The following EPB41L1 variants were observed in gnomAD, a reference collection of about 807,000 sequenced individuals.
EPB41L1 encodes the protein band 4.1-like protein 1.
A neutral mutation model predicts 97.8 loss-of-function variants in EPB41L1; 29 were observed. The observed-to-expected ratio is 0.30, with a 90% CI of 0.22 to 0.40. The LOEUF (loss-of-function observed/expected upper bound fraction) is 0.40. Ranked by LOEUF, EPB41L1 falls within the 10% of genes least tolerant of loss-of-function variation. EPB41L1 has a pLI of 1.00. For missense variants in EPB41L1, 812 were observed against 1,162.3 expected (o/e 0.70, Z 4.38); for synonymous variants, 383 against 459.2 (o/e 0.83, Z 2.12).
At chr20:36,184,594 G>T (rs188360632) in intron 6 of EPB41L1, among the ~76,000 whole-genome samples, 80 of 152,330 alleles carry the variant, frequency 5.3e-4, no homozygotes, top group Admixed American at 4.9e-3. Context: ...AGAGTCACAT[G>T]TGCTGACATG....
chr20:36,137,367 C>T (rs931588901), intron 2 of EPB41L1, among the ~76,000 whole-genome samples: 4 of 150,016 alleles, frequency 2.7e-5, no homozygotes, highest in Non-Finnish European at 5.9e-5. Flanking sequence ...TGAGCCACTG[C>T]GCTGGGGCAG....
In EPB41L1 at chr20:36,093,726, T is replaced by C. The variant is rs1039069339; in HGVS notation, c.-65+2114T>C. ...GTGTATGTGTATGCGTGCGCGCGCG[T>C]GTGTGGATGTGGGTGTGGGTGCGGG... On this transcript the variant is annotated intron_variant, in intron 1 of 19. Transcript: ENST00000202028. The surrounding 1 kb of genome is among the most constrained non-coding windows in gnomAD (Gnocchi z 5.4). 1.3e-5 allele frequency among the ~76,000 whole-genome samples: 2 copies of C among 151,776 alleles called. No individual in the cohort carries two copies. The highest frequency in any genetic ancestry group is 2.4e-5 in the African/African-American group (1 of 41,290).
Position 36,155,117 on chromosome 20 carries a change from C to CG in EPB41L1, c.-15+227dup, listed in dbSNP as rs368662808. The CG allele has an allele frequency of 8.9e-4, 433 of 488,674 alleles. 10 individuals are homozygous for CG. The East Asian group carries it at 0.025, about 28-fold the overall frequency. The allele number at this position is 488,674 out of a possible 1,614,324, so 30.3% of individuals were successfully genotyped here. On this transcript the variant is annotated intron_variant, in intron 1 of 21. Coordinates refer to ENST00000338074, the MANE Select transcript of EPB41L1 (RefSeq NM_012156.2). ...AGAGGATCCGGAGGCTGGGGGTTGG[C>CG]GGGGGGTTGGTCCTGCTGTAGGATG...
intron 2 of EPB41L1, among the ~76,000 whole-genome samples, chr20:36,134,326 G>C (rs1428290985): frequency 6.6e-6 from 1 of 152,216 alleles, no homozygotes; most frequent in African/African-American, 2.4e-5. Flanking sequence ...TTCTAGCTTT[G>C]CCACTGGCTC....
Position 36,195,387 on chromosome 20 carries a change from C to A in EPB41L1, c.1485+23C>A, listed in dbSNP as rs1403533703. On this transcript the variant is annotated intron_variant, in intron 13 of 21. Coordinates refer to ENST00000338074, the MANE Select transcript of EPB41L1 (RefSeq NM_012156.2). The surrounding 1 kb of genome is among the most constrained non-coding windows in gnomAD (Gnocchi z 4.6). ...GAGGTACTGCATGGGACCTGTCCCT[C>A]CCTACCCAGCCGTTCCCATCCCTAG... The A allele has an allele frequency of 8.7e-6, 14 of 1,613,844 alleles. No individual in the cohort carries two copies. The East Asian group carries it at 3.1e-4, about 36-fold the overall frequency.
chr20:36,214,475 A>G (rs2063324076), intron 17 of EPB41L1, 35 bp downstream of exon 17: 1 of 1,554,308 alleles, frequency 6.4e-7, no homozygotes, highest in Non-Finnish European at 8.8e-7. Flanking sequence ...CTCTCTGACC[A>G]GCCCCCTGCC....
At chr20:36,147,933 G>A (rs908634728) in intron 2 of EPB41L1, among the ~76,000 whole-genome samples, 2 of 152,176 alleles carry the variant, frequency 1.3e-5, no homozygotes, top group Non-Finnish European at 2.9e-5. Flanking sequence ...CTGGCCTCAG[G>A]AATGTGGCTC....
chr20:36,110,444 C>T (rs889315374), intron 1 of EPB41L1, among the ~76,000 whole-genome samples: 2 of 152,186 alleles, frequency 1.3e-5, no homozygotes, highest in African/African-American at 2.4e-5. Flanking sequence ...GCCCTTCTCT[C>T]CTGCCCAGTC....
intron 2 of EPB41L1, among the ~76,000 whole-genome samples, chr20:36,147,719 C>T (rs2059894885): frequency 6.6e-6 from 1 of 152,218 alleles, no homozygotes; most frequent in Non-Finnish European, 1.5e-5. Flanking sequence ...CCTTCTGGCA[C>T]CTGGGACCAG....
upstream of EPB41L1, chr20:36,149,923 A>G (rs1272661622): frequency 3.3e-5 from 5 of 152,224 alleles, no homozygotes; most frequent in African/African-American, 1.2e-4. Flanking sequence ...GTACTGACCA[A>G]AAGAAATATA....
chr20:36,130,768 C>CTT (rs11472852), intron 2 of EPB41L1, among the ~76,000 whole-genome samples: 2 of 151,064 alleles, frequency 1.3e-5, no homozygotes, highest in African/African-American at 2.4e-5. Context: ...CTCTCTCTCT[C>CTT]TATTTGATTT....
intron 1 of EPB41L1, among the ~76,000 whole-genome samples, chr20:36,173,105 T>A (rs2061065604): frequency 6.6e-6 from 1 of 152,242 alleles, no homozygotes; most frequent in South Asian, 2.1e-4. Context: ...TGGATGAGTC[T>A]GAGAGAGGTG....
chr20:36,141,028 G>A (rs368357214), intron 2 of EPB41L1, among the ~76,000 whole-genome samples: 4 of 152,208 alleles, frequency 2.6e-5, no homozygotes, highest in African/African-American at 9.6e-5. Context: ...GTGGGATTCT[G>A]GGCAAGGGAC....
At chr20:36,214,202 T>A (rs1446029117) in intron 16 of EPB41L1, among the ~76,000 whole-genome samples, 155 bp from the exon 17 acceptor site, 1 of 152,236 alleles carries the variant, frequency 6.6e-6, no homozygotes, top group Non-Finnish European at 1.5e-5. Context: ...TGAGGGCCTG[T>A]TGCACCTCTG....
chr20:36,159,369 A>G (rs2060439497), intron 1 of EPB41L1, among the ~76,000 whole-genome samples: 1 of 152,254 alleles, frequency 6.6e-6, no homozygotes, highest in African/African-American at 2.4e-5. Flanking sequence ...ACTGGATAAA[A>G]TAATACGCAG....
At chr20:36,226,101 C>G (rs895056874) in intron 21 of EPB41L1, among the ~76,000 whole-genome samples, 2 of 152,196 alleles carry the variant, frequency 1.3e-5, no homozygotes, top group Non-Finnish European at 2.9e-5. Flanking sequence ...AAGTCTGACT[C>G]TTAATACAGT....
chr20:36,139,717 TTTC>T (rs1326185035), intron 2 of EPB41L1, among the ~76,000 whole-genome samples: 1 of 152,104 alleles, frequency 6.6e-6, no homozygotes, highest in African/African-American at 2.4e-5. Context: ...GATTAAGTGC[TTTC>T]TTCTTATTAT....
At chr20:36,121,920 A>G (rs999564648) in intron 2 of EPB41L1, 1 of 152,186 alleles carries the variant, frequency 6.6e-6, no homozygotes, top group African/African-American at 2.4e-5. Context: ...TACGCACTTA[A>G]CCTAGTTCTG....
At chr20:36,108,943 G>C (rs1368876121) in intron 1 of EPB41L1, among the ~76,000 whole-genome samples, 1 of 151,554 alleles carries the variant, frequency 6.6e-6, no homozygotes, top group Non-Finnish European at 1.5e-5. Context: ...TGAGTTCAGG[G>C]CTTCTTTTTT....
Sources: allele counts gnomAD v4.1 joint callset (sites outside exome capture counted in the v4.1 genomes callset), GRCh38; gene constraint gnomAD v4.1.1; non-coding constraint Gnocchi (gnomAD v3.1); transcripts MANE v1.5; gene names NCBI Gene and HGNC (gene_info 2026-07-23, HGNC 2026-07-21).